The following ZNRF1 variants were observed in gnomAD, a reference collection of about 807,000 sequenced individuals.
ZNRF1 encodes the protein E3 ubiquitin-protein ligase ZNRF1.
ZNRF1 carries 3 observed loss-of-function variants against 18.4 expected under a neutral mutation model. That is an observed-to-expected ratio of 0.16 (90% CI 0.07 to 0.42). The LOEUF is 0.42. ZNRF1 is among the 10% of genes least tolerant of loss of function. ZNRF1 has a pLI of 0.99. For missense variants in ZNRF1, 310 were observed against 329.8 expected (o/e 0.94, Z 0.47); for synonymous variants, 157 against 144.2 (o/e 1.09, Z -0.64).
intron 1 of ZNRF1, among the ~76,000 whole-genome samples, chr16:75,014,834 A>T (rs915037720): frequency 6.6e-6 from 1 of 152,012 alleles, no homozygotes; most frequent in African/African-American, 2.4e-5. Context: ...GCCAAGCTCT[A>T]GTGGGTATAA....
intron 1 of ZNRF1, among the ~76,000 whole-genome samples, chr16:75,025,506 A>G (rs1162717798): frequency 6.6e-6 from 1 of 152,192 alleles, no homozygotes; most frequent in East Asian, 1.9e-4. Context: ...GCTCTTTGTT[A>G]GGGACCATAT....
intron 1 of ZNRF1, among the ~76,000 whole-genome samples, chr16:75,075,770 G>A (rs2035932633): frequency 6.6e-6 from 1 of 152,222 alleles, no homozygotes; most frequent in South Asian, 2.1e-4. Context: ...TTTCTCACAT[G>A]GCTGCTGAGT....
At chr16:75,027,000 A>G (rs73614005) in intron 1 of ZNRF1, among the ~76,000 whole-genome samples, 3,573 of 152,252 alleles carry the variant, frequency 0.023, 162 homozygotes, top group African/African-American at 0.083. Flanking sequence ...TTAACATTCA[A>G]TTATTGAATC....
chr16:75,048,628 C>T (rs971313284), intron 1 of ZNRF1, among the ~76,000 whole-genome samples: 3 of 152,138 alleles, frequency 2.0e-5, no homozygotes, highest in East Asian at 1.9e-4. Context: ...TGTCGGCTCT[C>T]GAGAATAGAA....
chr16:75,019,829 AT>A (rs1208997333), intron 1 of ZNRF1, among the ~76,000 whole-genome samples: 2 of 151,996 alleles, frequency 1.3e-5, no homozygotes, highest in Non-Finnish European at 1.5e-5. Context: ...GACTCAAGCG[AT>A]CCTCCTGCCT....
chr16:75,066,730 C>G (rs2145394881), intron 1 of ZNRF1, among the ~76,000 whole-genome samples: 1 of 152,094 alleles, frequency 6.6e-6, no homozygotes, highest in South Asian at 2.1e-4. Context: ...TCTCGAACTC[C>G]CAACCTCAGG....
intron 1 of ZNRF1, among the ~76,000 whole-genome samples, chr16:75,039,885 G>A (rs2035420770): frequency 6.6e-6 from 1 of 152,124 alleles, no homozygotes; most frequent in Admixed American, 6.6e-5. Flanking sequence ...TGCAGTTAGG[G>A]ATCCTCCAGA....
chr16:75,063,384 G>T (rs929085552), intron 1 of ZNRF1, among the ~76,000 whole-genome samples: 3 of 152,100 alleles, frequency 2.0e-5, no homozygotes, highest in African/African-American at 4.8e-5. Context: ...CTAGATTTGG[G>T]GTGGGCATCA....
At chr16:75,013,841 T>A (rs997253593) in intron 1 of ZNRF1, among the ~76,000 whole-genome samples, 2 of 152,034 alleles carry the variant, frequency 1.3e-5, no homozygotes, top group African/African-American at 4.8e-5. Context: ...ATTTTATTTT[T>A]TTTTTCGAGA....
At chr16:75,043,253 C>T (rs1042620824) in intron 1 of ZNRF1, among the ~76,000 whole-genome samples, 4 of 152,202 alleles carry the variant, frequency 2.6e-5, no homozygotes, top group African/African-American at 9.6e-5. Context: ...TTGCATTTAT[C>T]AGATTTTTTT....
chr16:75,099,308 A>G (rs539957400), intron 2 of ZNRF1, among the ~76,000 whole-genome samples: 1 of 152,242 alleles, frequency 6.6e-6, no homozygotes, highest in Non-Finnish European at 1.5e-5. Flanking sequence ...CTCCTCCCAG[A>G]TATCTTTGCT....
intron 1 of ZNRF1, among the ~76,000 whole-genome samples, chr16:75,080,835 C>T (rs953012035): frequency 6.6e-6 from 1 of 152,114 alleles, no homozygotes; most frequent in African/African-American, 2.4e-5. Flanking sequence ...GATCCCACTA[C>T]TGCACTCCAG....
At chr16:75,004,227 A>G (rs1208249694) in intron 1 of ZNRF1, among the ~76,000 whole-genome samples, 1 of 152,162 alleles carries the variant, frequency 6.6e-6, no homozygotes, top group East Asian at 1.9e-4. Context: ...GGCCTGCATT[A>G]GTGGGCTGCT....
chr16:75,065,571 CTTAAAG>C (rs1455883947), intron 1 of ZNRF1, among the ~76,000 whole-genome samples: 1 of 152,108 alleles, frequency 6.6e-6, no homozygotes, highest in Non-Finnish European at 1.5e-5. Flanking sequence ...ATATAGAAAG[CTTAAAG>C]TTAAAGGTCT....
rs367909965 is a variant in ZNRF1 at position 75,050,849 on chromosome 16, C to T, written c.425-42723C>T. Reference sequence around the variant, plus strand: ...TTGCGCCACTGCACTCCAGCCTGGGCGACAGAGCAAGACTCCGTCTCAAAA... The same window carrying T: ...TTGCGCCACTGCACTCCAGCCTGGGTGACAGAGCAAGACTCCGTCTCAAAA... On this transcript the variant is annotated intron_variant, in intron 1 of 4. Coordinates refer to ENST00000335325, the MANE Select transcript of ZNRF1 (RefSeq NM_032268.5). Among the ~76,000 whole-genome samples the T allele has an allele frequency of 1.2e-4, 13 of 109,402 alleles. No individual in the cohort carries two copies. The South Asian group carries it at 4.3e-3, about 37-fold the overall frequency. The allele number at this position is 109,402 out of a possible 152,430, so 71.8% of individuals were successfully genotyped here. A position where few individuals can be genotyped will look rare whatever the true frequency, so the allele number is the denominator to read the frequency against.
At chr16:75,101,307 G>A (rs1364535696) in intron 2 of ZNRF1, among the ~76,000 whole-genome samples, 2 of 152,210 alleles carry the variant, frequency 1.3e-5, no homozygotes, top group Non-Finnish European at 2.9e-5. Flanking sequence ...TGTAATCTCA[G>A]CACTTTGGGA....
intron 1 of ZNRF1, among the ~76,000 whole-genome samples, chr16:75,080,018 C>T (rs930400363): frequency 2.0e-5 from 3 of 152,214 alleles, no homozygotes; most frequent in Non-Finnish European, 2.9e-5. Flanking sequence ...CGGGTTCAAG[C>T]GATTCTCCTG....
intron 1 of ZNRF1, among the ~76,000 whole-genome samples, chr16:75,032,059 T>C (rs917627012): frequency 6.6e-6 from 1 of 151,882 alleles, no homozygotes; most frequent in Non-Finnish European, 1.5e-5. Context: ...GTGGTATCAT[T>C]ATAGTTTTGA....
chr16:75,086,071 C>T (rs1222701987), intron 1 of ZNRF1, among the ~76,000 whole-genome samples: 1 of 151,980 alleles, frequency 6.6e-6, no homozygotes, highest in Non-Finnish European at 1.5e-5. Context: ...GAAATTTCTC[C>T]TCTTTGCCTT....
Sources: gnomAD v4.1 joint callset for allele counts (sites outside exome capture counted in the v4.1 genomes callset) on GRCh38, gnomAD v4.1.1 for gene constraint, MANE v1.5 for transcripts, NCBI Gene and HGNC (gene_info 2026-07-23, HGNC 2026-07-21) for gene names.